The following MFSD12 variants were observed in gnomAD, a reference collection of about 807,000 sequenced individuals.
MFSD12 encodes the protein major facilitator superfamily domain-containing protein 12.
Under a neutral mutation model 51.2 loss-of-function variants are expected in MFSD12, and 67 were observed. The observed-to-expected ratio is 1.31, with a 90% confidence interval of 1.08 to 1.60. The LOEUF (loss-of-function observed/expected upper bound fraction) is 1.60. Among genes scored for constraint, MFSD12 ranks in the 40% most tolerant of loss-of-function variants. The pLI, the probability that MFSD12 is intolerant of heterozygous loss-of-function variation, is 0.00. For missense variants in MFSD12, 921 were observed against 673.0 expected, an observed-to-expected ratio of 1.37 and a Z score of -4.08; for synonymous variants, 441 against 316.7, an observed-to-expected ratio of 1.39 and a Z score of -4.17.
intron 4 of MFSD12, chr19:3,538,892 G>A (rs1031598452): frequency 1.7e-5 from 11 of 645,832 alleles, no homozygotes; most frequent in Admixed American, 1.5e-4. Context: ...CCCTCAAGGG[G>A]GTGTGGAGAT....
downstream of MFSD12, chr19:3,541,545 A>T (rs568606073): frequency 3.0e-5 from 13 of 433,314 alleles, 1 homozygote; most frequent in Admixed American, 7.0e-5. Context: ...CTGGTCTCAA[A>T]CTCCTGACCT....
Position 3,545,078 on chromosome 19 carries a change from C to T in MFSD12, c.1290-139G>A, listed in dbSNP as rs1599821382. 1.3e-5 allele frequency: 15 copies of T among 1,141,870 alleles called. No individual in the cohort carries two copies. The African/African-American group carries it at 1.7e-4, about 13-fold the overall frequency. The allele number at this position is 1,141,870 out of a possible 1,614,324, so 70.7% of individuals were successfully genotyped here. On this transcript the variant is annotated intron_variant, in intron 8 of 9. Coordinates refer to ENST00000355415, the MANE Select transcript of MFSD12 (RefSeq NM_174983.5). ...GAGCTGGGGGCCCTGCCACTCCCTCCCTCCTGTCCCACACCCAACAGCTCG... is the reference window on the plus strand; with the variant it reads ...GAGCTGGGGGCCCTGCCACTCCCTCTCTCCTGTCCCACACCCAACAGCTCG...
chr19:3,545,101 T>G (rs1379258246), intron 8 of MFSD12, among the ~76,000 whole-genome samples, 162 bp from the exon 9 acceptor site: 1 of 151,792 alleles, frequency 6.6e-6, no homozygotes, highest in Non-Finnish European at 1.5e-5. Flanking sequence ...ACCCAACAGC[T>G]CGGCCAGTCC....
At chr19:3,552,115 C>T (rs1274636042) in intron 1 of MFSD12, among the ~76,000 whole-genome samples, 3 of 152,168 alleles carry the variant, frequency 2.0e-5, no homozygotes, top group Non-Finnish European at 4.4e-5. Flanking sequence ...CTGCAGACAG[C>T]AGCCTCCAAG....
chr19:3,549,294 GGCA>G lies in MFSD12; in HGVS notation c.510-1030_510-1028del, dbSNP rs565320618. Reference sequence around the variant, plus strand: ...CCTGCCCATCCCATCCCCTCCCCGTGGCAGCAGCAGCTGTAAGTCCACCATGGA... The same window carrying G: ...CCTGCCCATCCCATCCCCTCCCCGTGGCAGCAGCTGTAAGTCCACCATGGA... On this transcript the variant is annotated intron_variant, in intron 2 of 9. Coordinates refer to ENST00000355415, the MANE Select transcript of MFSD12 (RefSeq NM_174983.5). Among the ~76,000 whole-genome samples, 150 of 152,282 alleles carry G rather than the reference GGCA, an allele frequency of 9.9e-4. 1 individual carries two copies. The highest frequency in any genetic ancestry group is 3.4e-3 in the African/African-American group (143 of 41,550).
rs1279795956 is a variant in MFSD12 at position 3,544,743 on chromosome 19, GGGGT to G, written c.1421-15_1421-12del. 6.2e-7 allele frequency: 1 copy of G among 1,605,246 alleles called. No homozygotes were observed. Among genetic ancestry groups the G allele is most frequent in the Non-Finnish European group, 8.5e-7 (1 of 1,174,636 alleles). On this transcript the variant is annotated splice_polypyrimidine_tract_variant and intron_variant, in intron 9 of 9. Coordinates refer to ENST00000355415, the MANE Select transcript of MFSD12 (RefSeq NM_174983.5). Reference sequence around the variant, plus strand: ...GGGCATCACGGTCCCCTGCAAGGGAGGGGTGGAAATGGCATTAGAGAGTGTGGGT... The same window carrying G: ...GGGCATCACGGTCCCCTGCAAGGGAGGGAAATGGCATTAGAGAGTGTGGGT...
chr19:3,556,762 AAACAGGG>A (rs1262659519), intron 1 of MFSD12, among the ~76,000 whole-genome samples: 1 of 151,804 alleles, frequency 6.6e-6, no homozygotes, highest in Admixed American at 6.6e-5. Flanking sequence ...TGGGGCAGAC[AAACAGGG>A]GAGACTTAGG....
downstream of MFSD12, chr19:3,539,333 T>G (rs1265731017): frequency 9.9e-6 from 8 of 810,522 alleles, no homozygotes; most frequent in East Asian, 3.3e-4. Context: ...GGTTACATGG[T>G]GTTTGGTTTG....
At chr19:3,543,043 T>G (rs1599813144), downstream of MFSD12, 1 of 1,602,808 alleles carries the variant, frequency 6.2e-7, no homozygotes, top group African/African-American at 1.4e-5. Flanking sequence ...AGAGGGGGAG[T>G]CAGCCTCTCT....
downstream of MFSD12, chr19:3,543,554 G>C (rs767666482): frequency 7.0e-7 from 1 of 1,432,222 alleles, no homozygotes; most frequent in African/African-American, 1.6e-5. Flanking sequence ...CCCCACCGCA[G>C]CCTACACCCA....
At chr19:3,540,989 T>C (rs1414461249), downstream of MFSD12, among the ~76,000 whole-genome samples, 1 of 149,046 alleles carries the variant, frequency 6.7e-6, no homozygotes, top group Non-Finnish European at 1.5e-5. Flanking sequence ...GCCAAGGTAG[T>C]GAAACCCCAT....
At chr19:3,552,202 C>T (rs1318795223) in intron 1 of MFSD12, among the ~76,000 whole-genome samples, 3 of 151,026 alleles carry the variant, frequency 2.0e-5, no homozygotes, top group African/African-American at 4.9e-5. Flanking sequence ...GAGTCTTGCT[C>T]TGTCGCCCAG....
chr19:3,557,167 C>T lies in MFSD12; in HGVS notation c.237G>A (p.Glu79=), dbSNP rs2031770060. 6.5e-7 allele frequency: 1 copy of T among 1,533,946 alleles called. No homozygotes were observed. The highest frequency in any genetic ancestry group is 8.8e-7 in the Non-Finnish European group (1 of 1,142,408). ...CGCAGCAGCTGGCGGCGCGGTCGGC[C>T]TCGTAGCCCACGAGCGGTGTGCACA... ...DGLCTPLVGY[E]ADRAASCCAR... is the part of the protein sequence containing the mutation. Residue 79 remains glutamate, a synonymous_variant, in exon 1 of 10, where the codon GAG becomes GAA. Transcript: ENST00000355415.
Position 3,544,883 on chromosome 19 carries a change from A to G in MFSD12, c.1346T>C (p.Val449Ala). Residue 449 changes from valine to alanine, a missense_variant, in exon 9 of 10, where the codon GTG becomes GCG. Physicochemically the swap from Val to Ala is moderately conservative, Grantham distance 64. Coordinates refer to ENST00000355415, the MANE Select transcript of MFSD12 (RefSeq NM_174983.5). ...AGCGGCCACGCCCACGCCGCCCGTC[A>G]CAGCCACCATCGCCCAGTGGTAAAA... ...VSFYHWAMVA[V>A]TGGVGVAAAL... The G allele has an allele frequency of 6.2e-7, 1 of 1,611,822 alleles. No homozygotes were observed. Among genetic ancestry groups the G allele is most frequent in the Non-Finnish European group, 8.5e-7 (1 of 1,179,492 alleles).
chr19:3,546,647 A>C (rs540754543), intron 6 of MFSD12, among the ~76,000 whole-genome samples: 6 of 152,238 alleles, frequency 3.9e-5, no homozygotes, highest in Non-Finnish European at 8.8e-5. Flanking sequence ...ACGTGTGGCT[A>C]TTCTGCCTGA....
chr19:3,544,965 A>G (rs778807188), intron 8 of MFSD12, 26 bp from the exon 9 acceptor site: 2 of 1,588,234 alleles, frequency 1.3e-6, no homozygotes, highest in South Asian at 2.2e-5. Context: ...GGGGATGAGT[A>G]GGCACCGCGG....
At chr19:3,552,010 T>G (rs543317631) in intron 1 of MFSD12, among the ~76,000 whole-genome samples, 2 of 152,122 alleles carry the variant, frequency 1.3e-5, no homozygotes, top group African/African-American at 4.8e-5. Context: ...GAATGTCACC[T>G]CCTCGAACAC....
At chr19:3,538,810 G>T in intron 4 of MFSD12, 1 of 550,402 alleles carries the variant, frequency 1.8e-6, no homozygotes, top group East Asian at 4.9e-5. Context: ...GTGAGGAGCT[G>T]GGGTGACAGG....
intron 1 of MFSD12, among the ~76,000 whole-genome samples, chr19:3,553,865 T>C (rs146498517): frequency 0.021 from 3,160 of 151,572 alleles, 42 homozygotes; most frequent in East Asian, 0.056. Flanking sequence ...ATGGATCACC[T>C]GAGGTCAGGA....
Sources: allele counts gnomAD v4.1 joint callset (sites outside exome capture counted in the v4.1 genomes callset), GRCh38; gene constraint gnomAD v4.1.1; transcripts MANE v1.5; gene names NCBI Gene and HGNC (gene_info 2026-07-23, HGNC 2026-07-21).